TEX19: variants seen among roughly 807,000 people sequenced by gnomAD.
TEX19 encodes the protein testis-expressed protein 19.
For synonymous variants in TEX19, 77 were observed against 73.9 expected (o/e 1.04, Z -0.21); for missense variants, 184 against 194.4 (o/e 0.95, Z 0.32).
chr17:82,360,486 T>C (rs2052377181), intron 1 of TEX19, among the ~76,000 whole-genome samples: 1 of 122,260 alleles, frequency 8.2e-6, no homozygotes, highest in African/African-American at 3.4e-5. Flanking sequence ...TCCCCCAGTT[T>C]CCCTCAGGTT....
intron 1 of TEX19, among the ~76,000 whole-genome samples, chr17:82,361,134 A>C (rs1470963697): frequency 2.7e-5 from 2 of 73,286 alleles, no homozygotes; most frequent in African/African-American, 1.1e-4. Context: ...CTCAATTTCC[A>C]TCAGGTCCCC....
Position 82,363,747 on chromosome 17 carries a change from T to G in TEX19, c.*1102T>G, listed in dbSNP as rs188404653. Reference sequence around the variant, plus strand: ...TGTTGCTCTATATGTTGTTTTTAATTTTAAAAAGTCATAAAAGCTTTCAAA... The same window carrying G: ...TGTTGCTCTATATGTTGTTTTTAATGTTAAAAAGTCATAAAAGCTTTCAAA... On this transcript the variant is annotated 3_prime_UTR_variant, in exon 2 of 2. Coordinates refer to ENST00000333437, the MANE Select transcript of TEX19 (RefSeq NM_207459.4). 48 of 167,030 alleles carry G rather than the reference T, an allele frequency of 2.9e-4. No homozygotes were observed. The highest frequency in any genetic ancestry group is 1.1e-3 in the African/African-American group (47 of 41,584). The allele number at this position is 167,030 out of a possible 1,614,324, so 10.3% of individuals were successfully genotyped here.
chr17:82,362,001 T>C lies in TEX19; in HGVS notation c.-150T>C, dbSNP rs2052398550. 3.7e-6 allele frequency: 4 copies of C among 1,095,206 alleles called. No individual in the cohort carries two copies. The highest frequency in any genetic ancestry group is 3.1e-5 in the African/African-American group (2 of 63,798). The allele number at this position is 1,095,206 out of a possible 1,614,324, so 67.8% of individuals were successfully genotyped here. On this transcript the variant is annotated 5_prime_UTR_variant, in exon 2 of 2. Coordinates refer to ENST00000333437, the MANE Select transcript of TEX19 (RefSeq NM_207459.4). This position sits in a 1 kb window ranked among gnomAD's most constrained non-coding sequence, Gnocchi z 5.5. ...ATCCACCCCACCCCAAATCCCTGGA[T>C]AGGAAACCCCTTTCTCCTCCTGCTC...
At chr17:82,360,562 AAGTTTCCCTCAGGTTCCCCC>A (rs2052378569) in intron 1 of TEX19, among the ~76,000 whole-genome samples, 2 of 36,900 alleles carry the variant, frequency 5.4e-5, no homozygotes, top group Non-Finnish European at 9.4e-5. Flanking sequence ...AGTTTCCCTC[AAGTTTCCCTCAGGTTCCCCC>A]AGTTTCCCTC....
chr17:82,362,862 G>A lies in TEX19; in HGVS notation c.*217G>A, dbSNP rs1180781456. The stretch of plus-strand genomic sequence containing the variant: ...GCACTGGAAATTGCTGCTGGAGCCT[G>A]GTGAAGTGTGGGTGGTGAGACTCCA... On this transcript the variant is annotated 3_prime_UTR_variant, in exon 2 of 2. Transcript: ENST00000333437. This position sits in a 1 kb window ranked among gnomAD's most constrained non-coding sequence, Gnocchi z 5.5. The A allele has an allele frequency of 1.5e-5, 8 of 549,570 alleles. No homozygotes were observed. Among genetic ancestry groups the A allele is most frequent in the Non-Finnish European group, 2.5e-5 (8 of 318,732 alleles). The allele number at this position is 549,570 out of a possible 1,614,324, so 34.0% of individuals were successfully genotyped here.
chr17:82,362,445 G>A lies in TEX19; in HGVS notation c.295G>A (p.Gly99Arg). The stretch of plus-strand genomic sequence containing the variant: ...TGTGCAGGGGGGCTCTGAGGCATGG[G>A]GGCCAGGGACCCTGGCAGCAGCCCC... ...QPVQGGSEAW[G>R]PGTLAAAPEG... The change falls in exon 2 of 2, where the codon GGG becomes AGG. Residue 99 changes from glycine (G) to arginine (R), a missense_variant. Coordinates refer to ENST00000333437, the MANE Select transcript of TEX19 (RefSeq NM_207459.4). This position sits in a 1 kb window ranked among gnomAD's most constrained non-coding sequence, Gnocchi z 5.5. The A allele has an allele frequency of 6.2e-7, 1 of 1,612,756 alleles. No homozygotes were observed.
rs2052404170 is a variant in TEX19, at chr17:82,362,522, A to G, written c.372A>G (p.Leu124=). 6.2e-7 allele frequency: 1 copy of G among 1,612,908 alleles called. No homozygotes were observed. Among genetic ancestry groups the G allele is most frequent in the Non-Finnish European group, 8.5e-7 (1 of 1,179,944 alleles). The change falls in exon 2 of 2, where the codon CTA becomes CTG. Residue 124 remains leucine (L), a synonymous_variant. Transcript: ENST00000333437. This position sits in a 1 kb window ranked among gnomAD's most constrained non-coding sequence, Gnocchi z 5.5. The part of the protein sequence containing the change: ...GLDPHFVPTE[L]WPQEAVPLGL... ...ACCCCCACTTTGTCCCCACTGAACT[A>G]TGGCCTCAGGAGGCTGTGCCCCTGG... is the stretch of plus-strand genomic sequence containing the variant.
At chr17:82,360,413 G>T (rs1189293353) in intron 1 of TEX19, among the ~76,000 whole-genome samples, 3 of 66,274 alleles carry the variant, frequency 4.5e-5, no homozygotes, top group Admixed American at 3.6e-4. Context: ...TTTCCCTCAG[G>T]TTCCCTCAGT....
intron 1 of TEX19, among the ~76,000 whole-genome samples, chr17:82,360,224 C>T (rs1348075731): frequency 1.9e-4 from 12 of 63,892 alleles, no homozygotes; most frequent in African/African-American, 8.8e-4. Context: ...CCCCCAGTTT[C>T]CCTCAAGTTT....
intron 1 of TEX19, 32 bp from the exon 2 acceptor site, chr17:82,361,848 G>A (rs2052397410): frequency 1.0e-6 from 1 of 960,970 alleles, no homozygotes; most frequent in African/African-American, 1.7e-5. Flanking sequence ...GCCTGCTGGG[G>A]GTGCCTAACC....
chr17:82,359,801 T>C (rs1253629571), intron 1 of TEX19, among the ~76,000 whole-genome samples: 9 of 78,236 alleles, frequency 1.2e-4, no homozygotes, highest in Admixed American at 3.0e-4. Context: ...CAAGTTCCCC[T>C]CAGTTTCCCC....
intron 1 of TEX19, among the ~76,000 whole-genome samples, chr17:82,359,495 CA>C (rs1390194712): frequency 4.6e-5 from 6 of 131,858 alleles, no homozygotes; most frequent in Non-Finnish European, 6.6e-5. Flanking sequence ...CAGTTTCCCT[CA>C]AGTTTCCCTC....
At chr17:82,359,779 C>G in intron 1 of TEX19, among the ~76,000 whole-genome samples, 1 of 130,366 alleles carries the variant, frequency 7.7e-6, no homozygotes, top group Non-Finnish European at 1.7e-5. Context: ...CTCAGGTTCC[C>G]TCAGTTTCCC....
intron 1 of TEX19, among the ~76,000 whole-genome samples, chr17:82,361,134 A>G (rs1470963697): frequency 1.4e-5 from 1 of 73,294 alleles, no homozygotes; most frequent in Non-Finnish European, 2.6e-5. Flanking sequence ...CTCAATTTCC[A>G]TCAGGTCCCC....
rs1643918630 is a variant in TEX19, at chr17:82,362,140, G to A, written c.-11G>A. The A allele has an allele frequency of 1.3e-6, 2 of 1,590,476 alleles. No homozygotes were observed. Among genetic ancestry groups the A allele is most frequent in the East Asian group, 2.2e-5 (1 of 44,806 alleles). ...TGCTGTCCACCCCGGCAGTAGGCAG[G>A]CAGCCTGGCCATGTGCCCTCCGGTC... is the stretch of plus-strand genomic sequence containing the variant. On this transcript the variant is annotated 5_prime_UTR_variant, in exon 2 of 2. Coordinates refer to ENST00000333437, the MANE Select transcript of TEX19 (RefSeq NM_207459.4). The surrounding 1 kb of genome is among the most constrained non-coding windows in gnomAD (Gnocchi z 5.5).
At position 82,363,191 on chromosome 17, in the gene TEX19, C is replaced by G. The variant is rs748406876; in HGVS notation, c.*546C>G. 8.6e-4 allele frequency: 143 copies of G among 167,236 alleles called. No individual in the cohort carries two copies. Among genetic ancestry groups the G allele is most frequent in the Non-Finnish European group, 1.6e-3 (108 of 68,494 alleles). 10.4% of individuals were successfully genotyped at this position (167,236 alleles called of 1,614,324 possible). ...GAGCTGCCCTGTTTCCAGCCTCAGT[C>G]CAGGGCCCCAGAACTGAGAGACTAA... is the stretch of plus-strand genomic sequence containing the variant. On this transcript the variant is annotated 3_prime_UTR_variant, in exon 2 of 2. Coordinates refer to ENST00000333437, the MANE Select transcript of TEX19 (RefSeq NM_207459.4).
intron 1 of TEX19, among the ~76,000 whole-genome samples, chr17:82,361,061 TC>T (rs2052387188): frequency 6.7e-6 from 1 of 148,714 alleles, no homozygotes; most frequent in African/African-American, 2.5e-5. Context: ...TCCCTCAGGT[TC>T]CCCCAGTTTC....
chr17:82,361,683 G>A (rs115174669), intron 1 of TEX19, 197 bp from the exon 2 acceptor site: 17 of 985,374 alleles, frequency 1.7e-5, no homozygotes, highest in Non-Finnish European at 2.0e-5. Flanking sequence ...TCCCTGAGGT[G>A]TAGGGGGTGG....
intron 1 of TEX19, 111 bp downstream of exon 1, chr17:82,359,396 G>T (rs2052355413): frequency 6.6e-6 from 1 of 152,120 alleles, no homozygotes; most frequent in African/African-American, 2.4e-5. Context: ...GGTTCCCTCA[G>T]TTTCCCTCAA....
Sources: gnomAD v4.1 joint callset for allele counts (sites outside exome capture counted in the v4.1 genomes callset) on GRCh38, gnomAD v4.1.1 for gene constraint, Gnocchi (gnomAD v3.1) non-coding constraint, MANE v1.5 for transcripts, NCBI Gene and HGNC (gene_info 2026-07-23, HGNC 2026-07-21) for gene names.